The following TBL1XR1 variants were observed in gnomAD, a reference collection of about 807,000 sequenced individuals.
TBL1XR1 encodes the protein F-box-like/WD repeat-containing protein TBL1XR1.
In TBL1XR1, 5 loss-of-function variants were observed where a neutral mutation model predicts 66.9. The ratio of observed to expected loss-of-function variants is 0.07; its 90% CI spans 0.04 to 0.16. The LOEUF (loss-of-function observed/expected upper bound fraction) is 0.16. Among genes scored for constraint, TBL1XR1 ranks in the 10% least tolerant of loss-of-function variants. The probability of loss-of-function intolerance (pLI) is 1.00; values close to 1 mark genes in which losing one functional copy is unlikely to be tolerated. For missense variants in TBL1XR1, 238 were observed against 623.2 expected, an observed-to-expected ratio of 0.38 and a Z score of 6.58; for synonymous variants, 210 against 206.0, an observed-to-expected ratio of 1.02 and a Z score of -0.17.
upstream of TBL1XR1, among the ~76,000 whole-genome samples, chr3:177,198,927 T>A (rs571047254): frequency 2.0e-5 from 3 of 151,352 alleles, 1 homozygote; most frequent in East Asian, 5.8e-4. Flanking sequence ...CTTGCACCAG[T>A]CTGGACTCCT....
intron 2 of TBL1XR1, among the ~76,000 whole-genome samples, chr3:177,067,615 A>G (rs62298931): frequency 0.038 from 5,846 of 152,316 alleles, 258 homozygotes; most frequent in African/African-American, 0.094. Context: ...AAAAATACCA[A>G]ATAAGAGCAG....
At chr3:177,196,298 ACT>A (rs1388929783) in intron 1 of TBL1XR1, 2 of 152,110 alleles carry the variant, frequency 1.3e-5, no homozygotes, top group African/African-American at 4.8e-5. Flanking sequence ...TGGCCTTTAC[ACT>A]GTCAGAAAAT....
At chr3:177,156,238 C>T (rs568717215) in intron 1 of TBL1XR1, among the ~76,000 whole-genome samples, 44 of 149,572 alleles carry the variant, frequency 2.9e-4, no homozygotes, top group African/African-American at 9.8e-4. Context: ...TGGTGGCTCA[C>T]GCCTGTAATC....
At chr3:177,126,788 T>C (rs972637705) in intron 1 of TBL1XR1, among the ~76,000 whole-genome samples, 1 of 140,924 alleles carries the variant, frequency 7.1e-6, no homozygotes, top group African/African-American at 2.7e-5. Flanking sequence ...AATCAATATA[T>C]CCTTGATTTC....
At chr3:177,120,679 ACT>A (rs1491142675) in intron 1 of TBL1XR1, 1 of 152,056 alleles carries the variant, frequency 6.6e-6, no homozygotes, top group Non-Finnish European at 1.5e-5. Context: ...TCCCAAATTT[ACT>A]TTTTTTATTT....
At chr3:177,130,199 C>T (rs147832988) in intron 1 of TBL1XR1, among the ~76,000 whole-genome samples, 88 of 150,070 alleles carry the variant, frequency 5.9e-4, no homozygotes, top group African/African-American at 2.1e-3. Context: ...TAAAAATGCA[C>T]ATATCCTTTG....
chr3:177,095,833 G>A (rs531501725), intron 2 of TBL1XR1, among the ~76,000 whole-genome samples: 97 of 152,038 alleles, frequency 6.4e-4, no homozygotes, highest in African/African-American at 2.1e-3. Flanking sequence ...AAAGAAGAGT[G>A]AAGGCAAAAA....
intron 5 of TBL1XR1, among the ~76,000 whole-genome samples, chr3:177,050,958 A>G (rs1286130812): frequency 2.6e-5 from 4 of 152,138 alleles, no homozygotes; most frequent in Admixed American, 2.0e-4. Flanking sequence ...GGGGTTGCTG[A>G]TATCATTCAT....
intron 14 of TBL1XR1, 57 bp downstream of exon 14, chr3:177,032,914 G>C: frequency 2.2e-6 from 3 of 1,387,980 alleles, no homozygotes; most frequent in Non-Finnish European, 1.9e-6. Flanking sequence ...GAGTGTATAG[G>C]CAAATGCTTC....
At chr3:177,119,994 G>C (rs1480647477) in intron 1 of TBL1XR1, among the ~76,000 whole-genome samples, 3 of 152,190 alleles carry the variant, frequency 2.0e-5, no homozygotes, top group Admixed American at 1.3e-4. Flanking sequence ...GGTGAATCTA[G>C]TTATACTCCA....
chr3:177,086,567 C>G (rs1200593042), intron 2 of TBL1XR1, among the ~76,000 whole-genome samples: 1 of 152,076 alleles, frequency 6.6e-6, no homozygotes, highest in African/African-American at 2.4e-5. Flanking sequence ...ACGGAAGTCT[C>G]TTTTCTGAAA....
At chr3:177,191,362 C>T (rs1736117653) in intron 1 of TBL1XR1, among the ~76,000 whole-genome samples, 1 of 152,172 alleles carries the variant, frequency 6.6e-6, no homozygotes, top group African/African-American at 2.4e-5. Context: ...GACCTACAAC[C>T]ATTCATTCAT....
intron 12 of TBL1XR1, among the ~76,000 whole-genome samples, chr3:177,036,785 T>C (rs941777418): frequency 6.6e-6 from 1 of 152,176 alleles, no homozygotes; most frequent in African/African-American, 2.4e-5. Context: ...ATTTAATCTG[T>C]TCATAGTAGC....
intron 1 of TBL1XR1, chr3:177,136,329 A>G (rs1017876176): frequency 1.3e-5 from 2 of 152,066 alleles, no homozygotes; most frequent in Non-Finnish European, 1.5e-5. Flanking sequence ...CTGGAGTGCA[A>G]AAGTACGGAT....
intron 1 of TBL1XR1, among the ~76,000 whole-genome samples, chr3:177,159,392 T>C (rs188001632): frequency 6.6e-6 from 1 of 152,284 alleles, no homozygotes; most frequent in East Asian, 1.9e-4. Flanking sequence ...TAAAATAAAG[T>C]ACATTCAATG....
intron 1 of TBL1XR1, among the ~76,000 whole-genome samples, chr3:177,114,854 T>C (rs796452218): frequency 7.6e-4 from 115 of 151,900 alleles, no homozygotes; most frequent in African/African-American, 2.6e-3. Flanking sequence ...TGGCATGCAC[T>C]TGTAGTCCCA....
At chr3:177,141,325 A>G (rs891197206) in intron 1 of TBL1XR1, among the ~76,000 whole-genome samples, 1 of 152,212 alleles carries the variant, frequency 6.6e-6, no homozygotes, top group Non-Finnish European at 1.5e-5. Flanking sequence ...ATTTCTAAAA[A>G]GTTATGGTAA....
chr3:177,172,247 C>T (rs1733609242), intron 1 of TBL1XR1, among the ~76,000 whole-genome samples: 1 of 103,120 alleles, frequency 9.7e-6, no homozygotes, highest in Admixed American at 1.3e-4. Context: ...GGAGACAAAG[C>T]AAAACTCCCA....
chr3:177,022,146 A>C lies in TBL1XR1; in HGVS notation c.*3352T>G, dbSNP rs1412573657. 6.6e-6 allele frequency: 1 copy of C among 152,624 alleles called. No homozygotes were observed. Among genetic ancestry groups the C allele is most frequent in the East Asian group, 1.9e-4 (1 of 5,206 alleles). The allele number at this position is 152,624 out of a possible 1,614,324, so 9.5% of individuals were successfully genotyped here. On this transcript the variant is annotated 3_prime_UTR_variant, in exon 16 of 16. Transcript: ENST00000457928. ...TTTAAGGGAAAAAGGAGTGCTTTGT[A>C]AGTGAAAAAGTACAAATCTTTGGCC...
Sources: allele counts gnomAD v4.1 joint callset (sites outside exome capture counted in the v4.1 genomes callset), GRCh38; gene constraint gnomAD v4.1.1; transcripts MANE v1.5; gene names NCBI Gene and HGNC (gene_info 2026-07-23, HGNC 2026-07-21).